The following KAT14 variants were observed in gnomAD, a reference collection of about 807,000 sequenced individuals.
KAT14 encodes cysteine-rich protein 2-binding protein.
In KAT14, 66 loss-of-function variants were observed where a neutral mutation model predicts 78.4. The ratio of observed to expected loss-of-function variants is 0.84; its 90% confidence interval spans 0.69 to 1.03. KAT14 has a LOEUF of 1.03. KAT14 is among the 50% of genes least tolerant of loss of function. The pLI is 0.00. For synonymous variants in KAT14, 344 were observed against 359.4 expected (o/e 0.96, Z 0.48); for missense variants, 870 against 972.5 (o/e 0.89, Z 1.40).
intron 3 of KAT14, among the ~76,000 whole-genome samples, chr20:18,149,691 G>C: frequency 6.6e-6 from 1 of 152,272 alleles, no homozygotes; most frequent in South Asian, 2.1e-4. Context: ...ATAAGGATTA[G>C]GCTGGGCGCA....
chr20:18,169,496 G>T (rs2038773900), intron 7 of KAT14, among the ~76,000 whole-genome samples: 1 of 152,000 alleles, frequency 6.6e-6, no homozygotes, highest in African/African-American at 2.4e-5. Flanking sequence ...TGTTAGTATT[G>T]TAATTGTTTT....
At chr20:18,146,186 T>C (rs1301659772) in intron 3 of KAT14, among the ~76,000 whole-genome samples, 1 of 152,232 alleles carries the variant, frequency 6.6e-6, no homozygotes, top group Non-Finnish European at 1.5e-5. Flanking sequence ...TTTGTTTCTA[T>C]GTCAATATGT....
chr20:18,140,917 G>T (rs2037524145), intron 1 of KAT14, among the ~76,000 whole-genome samples: 1 of 149,626 alleles, frequency 6.7e-6, no homozygotes, highest in Non-Finnish European at 1.5e-5. Context: ...GAGTGAAGTG[G>T]CACAATCTTA....
chr20:18,144,714 A>G (rs919000317), intron 2 of KAT14, among the ~76,000 whole-genome samples: 6 of 152,344 alleles, frequency 3.9e-5, no homozygotes, highest in African/African-American at 1.2e-4. Context: ...GCTAGAATCA[A>G]GCATATTTAG....
Position 18,172,682 on chromosome 20 carries a change from CCTATATTTTAAAT to C in KAT14, c.1669-9027_1669-9015del, listed in dbSNP as rs1417239605. On this transcript the variant is annotated intron_variant, in intron 7 of 10. Coordinates refer to ENST00000688188, the MANE Select transcript of KAT14 (RefSeq NM_001392073.1). ...GATCCTGCAATGTCTCTGAGGTGTG[CCTATATTTTAAAT>C]TCCCAGTCCAGTAGCTGTAACATCT... is the stretch of plus-strand genomic sequence containing the variant. 1.4e-4 allele frequency among the ~76,000 whole-genome samples: 21 copies of C among 152,314 alleles called. No homozygotes were observed. In the South Asian group the frequency reaches 3.9e-3, roughly 29 times the overall value.
intron 7 of KAT14, among the ~76,000 whole-genome samples, chr20:18,181,353 T>C (rs1486936830): frequency 6.7e-6 from 1 of 148,510 alleles, no homozygotes; most frequent in Non-Finnish European, 1.5e-5. Context: ...ATCCTCAGAG[T>C]AATTTTGTTT....
intron 2 of KAT14, among the ~76,000 whole-genome samples, chr20:18,143,622 T>A (rs4814700): frequency 0.42 from 53,216 of 125,936 alleles, 11,385 homozygotes; most frequent in East Asian, 0.6. Context: ...CTAATTTTTT[T>A]TTTTATTTTA....
intron 5 of KAT14, 108 bp downstream of exon 5, chr20:18,159,373 G>A: frequency 7.8e-7 from 1 of 1,283,716 alleles, no homozygotes; most frequent in Admixed American, 2.9e-5. Flanking sequence ...AGGCCTCTCT[G>A]GAGCTACTCT....
chr20:18,165,823 C>G (rs2038618607), intron 7 of KAT14, among the ~76,000 whole-genome samples: 1 of 152,098 alleles, frequency 6.6e-6, no homozygotes, highest in Non-Finnish European at 1.5e-5. Context: ...GTATTTCCTG[C>G]CTGAGCTGAC....
intron 1 of KAT14, among the ~76,000 whole-genome samples, chr20:18,141,898 A>C (rs1205214): frequency 0.99 from 151,185 of 151,968 alleles, 75,202 homozygotes; most frequent in Middle Eastern, 1. Context: ...AAAAATAAAT[A>C]AAAAAAAATT....
At chr20:18,145,962 G>A (rs1472239364) in intron 3 of KAT14, among the ~76,000 whole-genome samples, 4 of 152,278 alleles carry the variant, frequency 2.6e-5, no homozygotes, top group South Asian at 4.1e-4. Context: ...AGATGGCTAT[G>A]TTGAAAATAG....
At chr20:18,183,546 C>G (rs2039343368) in intron 9 of KAT14, 2 of 984,696 alleles carry the variant, frequency 2.0e-6, no homozygotes, top group Admixed American at 6.2e-5. Context: ...GTAAAAGATT[C>G]ATCCTGTTTT....
At chr20:18,183,050 TGA>T in intron 8 of KAT14, 71 bp from the exon 9 acceptor site, 1 of 1,532,070 alleles carries the variant, frequency 6.5e-7, no homozygotes, top group Non-Finnish European at 8.8e-7. Flanking sequence ...AGAGTTTATA[TGA>T]GTCAAAAAGC....
chr20:18,159,047 A>G (rs2038322157), intron 4 of KAT14, 37 bp from the exon 5 acceptor site: 1 of 1,576,344 alleles, frequency 6.3e-7, no homozygotes. Context: ...ATAATGAGCA[A>G]AAGTGCCAAT....
In KAT14 at chr20:18,183,104, A is replaced by G; in HGVS notation, c.1806-19A>G. On this transcript the variant is annotated intron_variant, in intron 8 of 10. Coordinates refer to ENST00000688188, the MANE Select transcript of KAT14 (RefSeq NM_001392073.1). The stretch of plus-strand genomic sequence containing the variant: ...TATTTTTCTTGACTTGAATTTGTTT[A>G]TCTTCTGTGGTACCGGAGGCGTGAT... 3 of 1,588,720 alleles carry G rather than the reference A, an allele frequency of 1.9e-6. No homozygotes were observed. The South Asian group carries it at 3.4e-5, about 18-fold the overall frequency.
intron 9 of KAT14, among the ~76,000 whole-genome samples, chr20:18,184,309 G>GT (rs2039374339): frequency 6.6e-6 from 1 of 152,098 alleles, no homozygotes; most frequent in Non-Finnish European, 1.5e-5. Flanking sequence ...AGCCACACAT[G>GT]GTAGAGGAGG....
intron 3 of KAT14, among the ~76,000 whole-genome samples, chr20:18,147,204 G>C (rs1435576624): frequency 5.3e-5 from 8 of 152,174 alleles, no homozygotes; most frequent in African/African-American, 1.9e-4. Flanking sequence ...GATGAAATCT[G>C]TCAGTGTTGA....
At chr20:18,181,932 G>A in intron 8 of KAT14, 86 bp downstream of exon 8, 1 of 1,543,982 alleles carries the variant, frequency 6.5e-7, no homozygotes, top group Non-Finnish European at 8.8e-7. Context: ...CTGTTGGAGA[G>A]AATAAAGATC....
chr20:18,145,036 C>T lies in KAT14; in HGVS notation c.260-197C>T, dbSNP rs902830099. 9.4e-6 allele frequency: 12 copies of T among 1,278,222 alleles called. No homozygotes were observed. In the African/African-American group the frequency reaches 1.7e-4, roughly 18 times the overall value. 79.2% of individuals were successfully genotyped at this position (1,278,222 alleles called of 1,614,324 possible). A position where few individuals can be genotyped will look rare whatever the true frequency, so the allele number is the denominator to read the frequency against. ...CTAAAAGTTACTGGATCCTACAGAT[C>T]TTAGTGGGCGTATACTTGGTGTTAG... On this transcript the variant is annotated intron_variant, in intron 2 of 10. Transcript: ENST00000688188.
Sources: gnomAD v4.1 joint callset for allele counts (sites outside exome capture counted in the v4.1 genomes callset) on GRCh38, gnomAD v4.1.1 for gene constraint, MANE v1.5 for transcripts, NCBI Gene and HGNC (gene_info 2026-07-23, HGNC 2026-07-21) for gene names.